Variants in ESR1 observed in about 807,000 individuals in gnomAD.
ESR1 encodes the protein estrogen receptor.
ESR1 carries 12 observed loss-of-function variants against 52.7 expected under a neutral mutation model. That is an observed-to-expected ratio of 0.23 (90% CI 0.15 to 0.37). The LOEUF is 0.37. Among genes scored for constraint, ESR1 ranks in the 10% least tolerant of loss-of-function variants. The pLI, the probability that ESR1 is intolerant of heterozygous loss-of-function variation, is 1.00. For missense variants in ESR1, 584 were observed against 779.7 expected, an observed-to-expected ratio of 0.75 and a Z score of 2.99; for synonymous variants, 305 against 316.8, an observed-to-expected ratio of 0.96 and a Z score of 0.39.
At chr6:151,735,980 G>A (rs1364097749) in intron 2 of ESR1, among the ~76,000 whole-genome samples, 1 of 152,092 alleles carries the variant, frequency 6.6e-6, no homozygotes. Context: ...TGTAAGACAT[G>A]CCTCTTCCCC....
At chr6:151,657,804 T>G (rs1777506443) in intron 1 of ESR1, among the ~76,000 whole-genome samples, 1 of 152,146 alleles carries the variant, frequency 6.6e-6, no homozygotes, top group Non-Finnish European at 1.5e-5. Flanking sequence ...CCACATGAAA[T>G]TTTGGGTTTT....
At chr6:151,695,254 C>G (rs1206372650) in intron 1 of ESR1, among the ~76,000 whole-genome samples, 1 of 152,192 alleles carries the variant, frequency 6.6e-6, no homozygotes, top group East Asian at 1.9e-4. Context: ...CTATTTAAAG[C>G]TGCCACCCAC....
intron 3 of ESR1, among the ~76,000 whole-genome samples, chr6:151,895,803 G>C (rs749469804): frequency 3.9e-5 from 6 of 151,952 alleles, no homozygotes; most frequent in Non-Finnish European, 8.8e-5. Context: ...CTAGTATTTC[G>C]TTAAGGATAT....
chr6:151,723,608 C>T lies in ESR1; in HGVS notation c.-71+21603C>T, dbSNP rs1427456158. On this transcript the variant is annotated intron_variant, in intron 2 of 2. Coordinates refer to the ESR1 transcript ENST00000404742. Reference sequence around the variant, plus strand: ...TTGTGGCCGGATACAGTGGCTCACACCTGTAATCCCAGCACTTTGGGAGGC... The same window carrying T: ...TTGTGGCCGGATACAGTGGCTCACATCTGTAATCCCAGCACTTTGGGAGGC... Among the ~76,000 whole-genome samples the T allele has an allele frequency of 3.3e-5, 5 of 152,186 alleles. No homozygotes were observed. The East Asian group carries it at 9.6e-4, about 29-fold the overall frequency.
chr6:151,732,939 TG>T (rs1322277334), intron 2 of ESR1, among the ~76,000 whole-genome samples: 1 of 152,188 alleles, frequency 6.6e-6, no homozygotes, highest in Non-Finnish European at 1.5e-5. Flanking sequence ...ACATACCCTG[TG>T]CTCCACTCCC....
rs771678596 is a variant in ESR1, at chr6:151,808,054, A to G, written c.142A>G (p.Lys48Glu). ...GGGCGAGGTGTACCTGGACAGCAGC[A>G]AGCCCGCCGTGTACAACTACCCCGA... ...PLGEVYLDSS[K>E]PAVYNYPEGA... Residue 48 changes from lysine to glutamate, a missense_variant, in exon 1 of 8, where the codon AAG becomes GAG. Around this residue, in one of 6 missense-constraint regions of ESR1, gnomAD observed 251 missense variants for 246.1 expected, o/e 1.02. Coordinates refer to ENST00000206249, the MANE Select transcript of ESR1 (RefSeq NM_000125.4). 48 of 1,613,582 alleles carry G rather than the reference A, an allele frequency of 3.0e-5. No homozygotes were observed. The highest frequency in any genetic ancestry group is 3.8e-5 in the Non-Finnish European group (45 of 1,179,916).
intron 2 of ESR1, among the ~76,000 whole-genome samples, chr6:151,793,517 G>A (rs1776403818): frequency 6.6e-6 from 1 of 152,100 alleles, no homozygotes; most frequent in Admixed American, 6.6e-5. Context: ...TAATCATTAT[G>A]TACTGTACAT....
At chr6:151,821,369 T>G (rs1780528076) in intron 1 of ESR1, among the ~76,000 whole-genome samples, 1 of 152,220 alleles carries the variant, frequency 6.6e-6, no homozygotes. Context: ...AATTGGTATA[T>G]GGTTCACGTG....
chr6:152,074,676 C>G (rs2048593433), intron 6 of ESR1, among the ~76,000 whole-genome samples: 1 of 152,202 alleles, frequency 6.6e-6, no homozygotes, highest in Non-Finnish European at 1.5e-5. Context: ...ACCATCTTCC[C>G]AAGTGGCTGT....
chr6:152,095,413 C>A (rs1480446772), intron 7 of ESR1, among the ~76,000 whole-genome samples: 1 of 152,144 alleles, frequency 6.6e-6, no homozygotes, highest in Non-Finnish European at 1.5e-5. Flanking sequence ...CAGCTGGGCT[C>A]ACTCACACAT....
intron 4 of ESR1, among the ~76,000 whole-genome samples, chr6:151,993,249 C>T (rs562322149): frequency 6.6e-6 from 1 of 152,108 alleles, no homozygotes; most frequent in Non-Finnish European, 1.5e-5. Flanking sequence ...ACATCTTGAA[C>T]TCTGTGGAGA....
chr6:151,870,677 C>A (rs779635192), intron 2 of ESR1, among the ~76,000 whole-genome samples: 25 of 152,142 alleles, frequency 1.6e-4, no homozygotes, highest in African/African-American at 6.0e-4. Flanking sequence ...TTAGATGAGG[C>A]AAAATGCTGA....
At chr6:151,996,397 A>G (rs987159173) in intron 4 of ESR1, among the ~76,000 whole-genome samples, 3 of 152,114 alleles carry the variant, frequency 2.0e-5, no homozygotes, top group Middle Eastern at 3.4e-3. Context: ...TGTGGTTTCC[A>G]TGATCCTTCT....
intron 5 of ESR1, among the ~76,000 whole-genome samples, chr6:152,019,139 A>T (rs995106084): frequency 1.3e-5 from 2 of 152,220 alleles, no homozygotes; most frequent in African/African-American, 4.8e-5. Flanking sequence ...AAGTGAGCCA[A>T]ACTGCCATTA....
intron 3 of ESR1, among the ~76,000 whole-genome samples, chr6:151,920,931 T>A (rs1002304556): frequency 1.3e-5 from 2 of 152,116 alleles, no homozygotes; most frequent in African/African-American, 2.4e-5. Context: ...ATTTTTTTTT[T>A]AATTTTAATT....
At chr6:151,831,698 T>C (rs956468634) in intron 1 of ESR1, among the ~76,000 whole-genome samples, 75 of 152,154 alleles carry the variant, frequency 4.9e-4, no homozygotes, top group African/African-American at 1.6e-3. Context: ...GGTTACTATT[T>C]CTAAAACAAC....
At chr6:151,899,470 C>CG (rs1180759593) in intron 3 of ESR1, among the ~76,000 whole-genome samples, 2 of 135,814 alleles carry the variant, frequency 1.5e-5, no homozygotes, top group Non-Finnish European at 3.1e-5. Context: ...GCTGGCCAGG[C>CG]GGGGGGCTGA....
intron 2 of ESR1, among the ~76,000 whole-genome samples, chr6:151,845,844 C>A (rs1785023556): frequency 6.6e-6 from 1 of 152,094 alleles, no homozygotes; most frequent in South Asian, 2.1e-4. Context: ...TTATTCAGTT[C>A]TTCATTCATT....
chr6:152,075,221 C>T (rs2048644978), intron 6 of ESR1, among the ~76,000 whole-genome samples: 1 of 152,162 alleles, frequency 6.6e-6, no homozygotes, highest in Non-Finnish European at 1.5e-5. Context: ...AGAAGTTTGA[C>T]TTCATCCAGA....
Sources: allele counts gnomAD v4.1 joint callset (sites outside exome capture counted in the v4.1 genomes callset), GRCh38; gene constraint gnomAD v4.1.1; regional missense constraint gnomAD v4.1.1; transcripts MANE v1.5; gene names NCBI Gene and HGNC (gene_info 2026-07-23, HGNC 2026-07-21).